The following CFAP61 variants were observed in gnomAD, a reference collection of about 807,000 sequenced individuals.
CFAP61 encodes cilia and flagella associated protein 61.
In CFAP61, 107 loss-of-function variants were observed where a neutral mutation model predicts 135.6. The ratio of observed to expected loss-of-function variants is 0.79; its 90% confidence interval spans 0.67 to 0.93. The LOEUF (loss-of-function observed/expected upper bound fraction) is 0.93, where lower values mean the gene tolerates loss of function less well. Among genes scored for constraint, CFAP61 ranks in the 40% least tolerant of loss-of-function variants. CFAP61 has a pLI of 0.00. For synonymous variants in CFAP61, 575 were observed against 578.5 expected (o/e 0.99, Z 0.09); for missense variants, 1,507 against 1,556.2 (o/e 0.97, Z 0.53).
intron 24 of CFAP61, among the ~76,000 whole-genome samples, chr20:20,292,250 C>T (rs1273171892): frequency 6.6e-6 from 1 of 152,188 alleles, no homozygotes; most frequent in Non-Finnish European, 1.5e-5. Flanking sequence ...GTGAAGATGG[C>T]TGTTTTAATC....
rs577689672 is a variant in CFAP61 at position 20,334,414 on chromosome 20, G to A, written c.3423-7417G>A. ...AGTGCTGGCATTACAGGCATAAGCC[G>A]CTGTGTGTGGCCATAGTGTTAGCCT... On this transcript the variant is annotated intron_variant, in intron 25 of 26. Coordinates refer to ENST00000245957, the MANE Select transcript of CFAP61 (RefSeq NM_015585.4). 1.5e-4 allele frequency among the ~76,000 whole-genome samples: 23 copies of A among 152,302 alleles called. No individual in the cohort carries two copies. The East Asian group carries it at 2.9e-3, about 19-fold the overall frequency.
chr20:20,168,995 G>A (rs891978077), intron 12 of CFAP61, among the ~76,000 whole-genome samples: 1 of 152,098 alleles, frequency 6.6e-6, no homozygotes, highest in Non-Finnish European at 1.5e-5. Context: ...TCATTGACTT[G>A]GTGACACAAG....
chr20:20,257,620 C>CAAAAAAAAAAAAAA (rs147860452), intron 20 of CFAP61, among the ~76,000 whole-genome samples: 1 of 58,238 alleles, frequency 1.7e-5, no homozygotes, highest in Non-Finnish European at 3.5e-5. Context: ...TCAAAAAAAA[C>CAAAAAAAAAAAAAA]AAAAAAACAA....
At chr20:20,077,741 T>A (rs961840429) in intron 6 of CFAP61, among the ~76,000 whole-genome samples, 2 of 152,184 alleles carry the variant, frequency 1.3e-5, no homozygotes, top group African/African-American at 4.8e-5. Flanking sequence ...GATTTTCTGA[T>A]TGGCAGTTGA....
intron 26 of CFAP61, among the ~76,000 whole-genome samples, chr20:20,355,001 G>A (rs78399684): frequency 6.2e-4 from 32 of 51,562 alleles, no homozygotes; most frequent in South Asian, 8.4e-4. Flanking sequence ...ACTGAGGGGA[G>A]ATGGTCACAC....
intron 25 of CFAP61, among the ~76,000 whole-genome samples, chr20:20,329,718 G>T (rs564815124): frequency 2.0e-5 from 3 of 152,330 alleles, no homozygotes; most frequent in African/African-American, 4.8e-5. Context: ...CCGACTGGAC[G>T]TTAGAGCAGT....
Position 20,360,193 on chromosome 20 carries a change from C to T in CFAP61, c.3514-17C>T, listed in dbSNP as rs764602232. The stretch of plus-strand genomic sequence containing the variant: ...TCCAATTAATTTCTGTATCTGGCCT[C>T]TTACTGTGTTTTACAGGAGGAAGAT... On this transcript the variant is annotated splice_polypyrimidine_tract_variant and intron_variant, in intron 26 of 26. Coordinates refer to ENST00000245957, the MANE Select transcript of CFAP61 (RefSeq NM_015585.4). 6.2e-7 allele frequency: 1 copy of T among 1,602,430 alleles called. No homozygotes were observed. Among genetic ancestry groups the T allele is most frequent in the Non-Finnish European group, 8.6e-7 (1 of 1,169,534 alleles).
rs1465120290 is a variant in CFAP61 at position 20,359,755 on chromosome 20, C to G, written c.3514-455C>G. Among the ~76,000 whole-genome samples the G allele has an allele frequency of 6.6e-6, 1 of 152,170 alleles. No homozygotes were observed. The highest frequency in any genetic ancestry group is 2.1e-4 in the South Asian group (1 of 4,822). On this transcript the variant is annotated intron_variant, in intron 26 of 26. Coordinates refer to ENST00000245957, the MANE Select transcript of CFAP61 (RefSeq NM_015585.4). The surrounding 1 kb of genome is among the most constrained non-coding windows in gnomAD (Gnocchi z 4.0). ...AAAATGAAGGGCTTGAAATGACTAACCTGGATGACTCTTGAGGACATTATG... is the reference window on the plus strand; with the variant it reads ...AAAATGAAGGGCTTGAAATGACTAAGCTGGATGACTCTTGAGGACATTATG...
intron 18 of CFAP61, among the ~76,000 whole-genome samples, chr20:20,245,102 C>T (rs563736359): frequency 1.1e-4 from 16 of 152,296 alleles, no homozygotes; most frequent in African/African-American, 3.9e-4. Context: ...CTAGGGAGTT[C>T]CAAACTTTCC....
At chr20:20,342,076 G>A (rs2058463257) in intron 26 of CFAP61, among the ~76,000 whole-genome samples, 155 bp downstream of exon 26, 1 of 152,188 alleles carries the variant, frequency 6.6e-6, no homozygotes, top group African/African-American at 2.4e-5. Context: ...GCATGTAAAT[G>A]CAGACTGTGT....
At chr20:20,330,334 T>TTTTG (rs955255933) in intron 25 of CFAP61, among the ~76,000 whole-genome samples, 2 of 152,018 alleles carry the variant, frequency 1.3e-5, no homozygotes, top group Non-Finnish European at 2.9e-5. Context: ...ACTAGCCGTT[T>TTTTG]TTTGTTTGTT....
At chr20:20,272,586 A>G (rs1007997361) in intron 21 of CFAP61, among the ~76,000 whole-genome samples, 1 of 152,090 alleles carries the variant, frequency 6.6e-6, no homozygotes, top group African/African-American at 2.4e-5. Context: ...GGGACACATA[A>G]CTGTCAGCCC....
At chr20:20,246,894 A>G (rs942787099) in intron 19 of CFAP61, among the ~76,000 whole-genome samples, 1 of 152,120 alleles carries the variant, frequency 6.6e-6, no homozygotes, top group African/African-American at 2.4e-5. Flanking sequence ...TGTGAAAAAG[A>G]CTCATTTTGC....
intron 10 of CFAP61, among the ~76,000 whole-genome samples, chr20:20,161,039 T>C (rs975134674): frequency 6.6e-6 from 1 of 152,182 alleles, no homozygotes; most frequent in African/African-American, 2.4e-5. Flanking sequence ...TCTTACAGAA[T>C]TTCCTGGCTT....
At chr20:20,112,103 G>A (rs1229439002) in intron 8 of CFAP61, among the ~76,000 whole-genome samples, 5 of 152,222 alleles carry the variant, frequency 3.3e-5, no homozygotes, top group Admixed American at 1.3e-4. Flanking sequence ...AGGATAAGAA[G>A]AGACTTAAAT....
At chr20:20,054,004 T>TTTG (rs2044023572) in intron 1 of CFAP61, among the ~76,000 whole-genome samples, 1 of 111,622 alleles carries the variant, frequency 9.0e-6, no homozygotes, top group African/African-American at 3.6e-5. Context: ...GTGTGTGTTT[T>TTTG]TTTTGTTTGT....
intron 8 of CFAP61, among the ~76,000 whole-genome samples, chr20:20,138,994 A>G (rs555993822): frequency 6.6e-6 from 1 of 152,060 alleles, no homozygotes; most frequent in African/African-American, 2.4e-5. Flanking sequence ...CTTTTTGTTC[A>G]TCTTTCTTAA....
At chr20:20,174,441 G>A (rs2054458209) in intron 13 of CFAP61, among the ~76,000 whole-genome samples, 1 of 152,142 alleles carries the variant, frequency 6.6e-6, no homozygotes, top group South Asian at 2.1e-4. Context: ...ACATGCAGTG[G>A]GCAGTTGTTT....
intron 9 of CFAP61, among the ~76,000 whole-genome samples, chr20:20,156,619 A>G (rs2052928967): frequency 6.6e-6 from 1 of 152,162 alleles, no homozygotes; most frequent in Non-Finnish European, 1.5e-5. Context: ...CAACATGACT[A>G]CCTATGAAAA....
Sources: gnomAD v4.1 joint callset for allele counts (sites outside exome capture counted in the v4.1 genomes callset) on GRCh38, gnomAD v4.1.1 for gene constraint, Gnocchi (gnomAD v3.1) non-coding constraint, MANE v1.5 for transcripts, NCBI Gene and HGNC (gene_info 2026-07-23, HGNC 2026-07-21) for gene names.